Variants in SRP54 observed in about 807,000 individuals in gnomAD.
SRP54 encodes signal recognition particle 54.
Under a neutral mutation model 64.8 loss-of-function variants are expected in SRP54, and 10 were observed. The observed-to-expected ratio is 0.15, with a 90% CI of 0.10 to 0.26. The LOEUF is 0.26. Among genes scored for constraint, SRP54 ranks in the 10% least tolerant of loss-of-function variants. The probability of loss-of-function intolerance (pLI) is 1.00; values close to 1 mark genes in which losing one functional copy is unlikely to be tolerated. For missense variants in SRP54, 325 were observed against 613.7 expected (o/e 0.53, Z 4.97); for synonymous variants, 193 against 185.6 (o/e 1.04, Z -0.32).
intron 1 of SRP54, chr14:34,993,592 A>AT (rs960355818): frequency 7.2e-5 from 11 of 152,130 alleles, no homozygotes; most frequent in African/African-American, 2.7e-4. Context: ...CCTCAAATGC[A>AT]TTTTCCCTTC....
At chr14:35,013,059 T>C (rs753379330) in intron 8 of SRP54, among the ~76,000 whole-genome samples, 2 of 150,560 alleles carry the variant, frequency 1.3e-5, no homozygotes, top group Non-Finnish European at 3.0e-5. Context: ...TTCTCCTGCC[T>C]GAGCCTCTCA....
In SRP54 at chr14:35,011,629, T is replaced by G; in HGVS notation, c.606T>G (p.Phe202Leu). 6.3e-7 allele frequency: 1 copy of G among 1,584,306 alleles called. No homozygotes were observed. Among genetic ancestry groups the G allele is most frequent in the East Asian group, 2.2e-5 (1 of 44,456 alleles). ...GCCACAAACAAGAAGACTCTTTGTTTGAAGAAATGCTTCAAGTTGCTAATG... is the reference window on the plus strand; with the variant it reads ...GCCACAAACAAGAAGACTCTTTGTTGGAAGAAATGCTTCAAGTTGCTAATG... ...SGRHKQEDSL[F>L]EEMLQVANAI... The change falls in exon 8 of 16, where the codon TTT (phenylalanine) becomes TTG (leucine). Residue 202 changes from phenylalanine (F) to leucine (L), a missense_variant. Coordinates refer to ENST00000216774, the MANE Select transcript of SRP54 (RefSeq NM_003136.4).
intron 15 of SRP54, 75 bp from the exon 16 acceptor site, chr14:35,028,986 G>T: frequency 8.1e-7 from 1 of 1,230,102 alleles, no homozygotes; most frequent in Non-Finnish European, 1.2e-6. Context: ...TACTTATTAG[G>T]CAAAAGTAAT....
intron 8 of SRP54, among the ~76,000 whole-genome samples, chr14:35,012,022 G>A (rs1415874725): frequency 6.6e-6 from 1 of 152,024 alleles, no homozygotes; most frequent in Non-Finnish European, 1.5e-5. Context: ...TTCAAGATCA[G>A]CCTGGCCAAC....
At chr14:35,011,181 G>C (rs886659399) in intron 7 of SRP54, among the ~76,000 whole-genome samples, 3 of 150,884 alleles carry the variant, frequency 2.0e-5, no homozygotes, top group African/African-American at 7.3e-5. Flanking sequence ...CTTCCAAATG[G>C]ATGTTAAATG....
At chr14:34,996,016 G>C (rs953664992) in intron 1 of SRP54, among the ~76,000 whole-genome samples, 4 of 146,778 alleles carry the variant, frequency 2.7e-5, no homozygotes, top group Non-Finnish European at 5.9e-5. Flanking sequence ...AGTCAGCTGT[G>C]ATCACACCAC....
chr14:34,988,579 A>ATG (rs2043934591), intron 1 of SRP54, among the ~76,000 whole-genome samples: 1 of 11,780 alleles, frequency 8.5e-5, no homozygotes, highest in African/African-American at 1.6e-4. Context: ...AAAAAAAAAA[A>ATG]TATATATATA....
intron 1 of SRP54, among the ~76,000 whole-genome samples, chr14:34,995,188 T>TGTGTGTGTGTGTGTGTGTAG (rs1555353238): frequency 1.5e-4 from 12 of 79,880 alleles, no homozygotes; most frequent in African/African-American, 5.4e-4. Flanking sequence ...TGTGTGTGTG[T>TGTGTGTGTGTGTGTGTGTAG]AGAGAGAGAG....
intron 1 of SRP54, among the ~76,000 whole-genome samples, chr14:34,987,246 A>AAAAAATAT (rs1555352658): frequency 2.7e-5 from 3 of 110,074 alleles, no homozygotes; most frequent in African/African-American, 1.1e-4. Flanking sequence ...AAAAAAAAAA[A>AAAAAATAT]ATATATATAT....
intron 12 of SRP54, 60 bp downstream of exon 12, chr14:35,018,825 T>C (rs971078524): frequency 1.3e-6 from 2 of 1,502,946 alleles, no homozygotes; most frequent in Non-Finnish European, 1.8e-6. Flanking sequence ...CTAAAATAGA[T>C]ACACTTGCTT....
chr14:35,022,162 C>G (rs2044541851), intron 13 of SRP54, among the ~76,000 whole-genome samples: 1 of 151,796 alleles, frequency 6.6e-6, no homozygotes, highest in Non-Finnish European at 1.5e-5. Context: ...CATTTGTGTT[C>G]ATTTTTTAAA....
chr14:35,026,969 T>C (rs536456418), intron 14 of SRP54, among the ~76,000 whole-genome samples: 1 of 151,610 alleles, frequency 6.6e-6, no homozygotes, highest in East Asian at 1.9e-4. Flanking sequence ...AAAAAAAACT[T>C]CTTAGATACA....
chr14:35,001,264 G>A (rs1397952648), intron 4 of SRP54, among the ~76,000 whole-genome samples: 4 of 144,962 alleles, frequency 2.8e-5, no homozygotes, highest in Admixed American at 7.3e-5. Flanking sequence ...CAATTCTCCT[G>A]CCTCAGCCTC....
intron 8 of SRP54, among the ~76,000 whole-genome samples, chr14:35,012,232 A>G (rs1197578348): frequency 1.3e-5 from 2 of 152,058 alleles, no homozygotes; most frequent in Admixed American, 1.3e-4. Context: ...AAAAAAAAAA[A>G]AAAAATTAGT....
chr14:35,013,790 T>A lies in SRP54; in HGVS notation c.786-12T>A. The A allele has an allele frequency of 1.3e-6, 2 of 1,595,308 alleles. No homozygotes were observed. Among genetic ancestry groups the A allele is most frequent in the Non-Finnish European group, 1.7e-6 (2 of 1,173,076 alleles). On this transcript the variant is annotated splice_polypyrimidine_tract_variant and intron_variant, in intron 9 of 15. Transcript: ENST00000216774. ...CTTTTGAGGTTATTTTATATTTTCTTTTTTTTTCCAGAGTCGCTGCCACAA... is the reference window on the plus strand; with the variant it reads ...CTTTTGAGGTTATTTTATATTTTCTATTTTTTTCCAGAGTCGCTGCCACAA...
chr14:35,024,683 A>G (rs548226098), intron 14 of SRP54, among the ~76,000 whole-genome samples: 2 of 148,542 alleles, frequency 1.3e-5, no homozygotes, highest in East Asian at 4.0e-4. Context: ...TTCTTTACAG[A>G]GGTAATCAAG....
intron 11 of SRP54, among the ~76,000 whole-genome samples, chr14:35,017,306 T>G (rs990788014): frequency 6.6e-6 from 1 of 152,224 alleles, no homozygotes; most frequent in Non-Finnish European, 1.5e-5. Flanking sequence ...CTACTCATTC[T>G]GAGATCTCCA....
intron 1 of SRP54, among the ~76,000 whole-genome samples, chr14:34,987,217 A>T: frequency 7.8e-6 from 1 of 128,864 alleles, no homozygotes. Context: ...GGTGACAGAG[A>T]GACACTACAT....
At chr14:34,991,113 T>C (rs865856402) in intron 1 of SRP54, among the ~76,000 whole-genome samples, 33 of 122,074 alleles carry the variant, frequency 2.7e-4, no homozygotes, top group African/African-American at 8.4e-4. Context: ...TCTTTTCTTT[T>C]TTTTTTTTTT....
Sources: gnomAD v4.1 joint callset for allele counts (sites outside exome capture counted in the v4.1 genomes callset) on GRCh38, gnomAD v4.1.1 for gene constraint, MANE v1.5 for transcripts, NCBI Gene and HGNC (gene_info 2026-07-23, HGNC 2026-07-21) for gene names.